The following GPM6A variants were observed in gnomAD, a reference collection of about 807,000 sequenced individuals.
GPM6A encodes the protein neuronal membrane glycoprotein M6-a.
A neutral mutation model predicts 32.1 loss-of-function variants in GPM6A; 7 were observed. That is an observed-to-expected ratio of 0.22 (90% CI 0.12 to 0.41). The LOEUF (loss-of-function observed/expected upper bound fraction) is 0.41, where lower values mean the gene tolerates loss of function less well. Ranked by LOEUF, GPM6A falls within the 10% of genes least tolerant of loss-of-function variation. GPM6A has a pLI of 1.00. For synonymous variants in GPM6A, 130 were observed against 123.4 expected, an observed-to-expected ratio of 1.05 and a Z score of -0.35; for missense variants, 235 against 347.2, an observed-to-expected ratio of 0.68 and a Z score of 2.57.
intron 2 of GPM6A, among the ~76,000 whole-genome samples, chr4:175,697,780 T>C (rs1029712360): frequency 6.6e-6 from 1 of 152,162 alleles, no homozygotes; most frequent in Non-Finnish European, 1.5e-5. Flanking sequence ...TCAAATGTAA[T>C]GGGACAAAAC....
chr4:175,916,165 T>A (rs1446064229), intron 1 of GPM6A, among the ~76,000 whole-genome samples: 4 of 152,238 alleles, frequency 2.6e-5, no homozygotes, highest in Non-Finnish European at 5.9e-5. Flanking sequence ...GGGTTCCCGA[T>A]AGAAACCACA....
rs80251446 is a variant in GPM6A, at chr4:175,746,415, C to T, written c.38-44648G>A. Among the ~76,000 whole-genome samples, 171 of 152,248 alleles carry T rather than the reference C, an allele frequency of 1.1e-3. 1 individual carries two copies. Among genetic ancestry groups the T allele is most frequent in the African/African-American group, 4.0e-3 (166 of 41,560 alleles). On this transcript the variant is annotated intron_variant, in intron 1 of 6. Coordinates refer to ENST00000393658, the MANE Select transcript of GPM6A (RefSeq NM_201591.3). The stretch of plus-strand genomic sequence containing the variant: ...ATACATTAACCTGTATATAAATGTA[C>T]AAAATTATGTTCAATTATTCTGCAC...
intron 1 of GPM6A, among the ~76,000 whole-genome samples, chr4:175,724,550 A>G (rs896859924): frequency 5.3e-5 from 8 of 152,148 alleles, no homozygotes; most frequent in Non-Finnish European, 1.0e-4. Flanking sequence ...ATCTCAAAAA[A>G]AAAATTTTTT....
At chr4:175,891,226 C>G (rs1281483865) in intron 1 of GPM6A, among the ~76,000 whole-genome samples, 1 of 152,188 alleles carries the variant, frequency 6.6e-6, no homozygotes, top group African/African-American at 2.4e-5. Flanking sequence ...ATCCAAACCA[C>G]AAGTATGACC....
intron 1 of GPM6A, among the ~76,000 whole-genome samples, chr4:175,831,567 T>C (rs908265470): frequency 6.6e-6 from 1 of 152,144 alleles, no homozygotes; most frequent in Admixed American, 6.5e-5. Flanking sequence ...AACAAATCCG[T>C]GCTTAATTAG....
intron 1 of GPM6A, among the ~76,000 whole-genome samples, chr4:175,824,189 A>G (rs1342688113): frequency 6.6e-6 from 1 of 152,194 alleles, no homozygotes; most frequent in African/African-American, 2.4e-5. Context: ...TGGCCAGACC[A>G]TGGCTCCAGG....
At chr4:175,789,269 T>C (rs1370710996) in intron 1 of GPM6A, among the ~76,000 whole-genome samples, 2 of 152,200 alleles carry the variant, frequency 1.3e-5, no homozygotes, top group East Asian at 3.8e-4. Context: ...AAATATTTAT[T>C]TTTATAGTTG....
chr4:175,790,765 G>A (rs1733981847), intron 1 of GPM6A, among the ~76,000 whole-genome samples: 1 of 152,150 alleles, frequency 6.6e-6, no homozygotes, highest in Non-Finnish European at 1.5e-5. Flanking sequence ...CAAATGCCAT[G>A]AATTAAAGGA....
intron 1 of GPM6A, among the ~76,000 whole-genome samples, chr4:175,818,618 A>G (rs1203196033): frequency 6.6e-6 from 1 of 152,250 alleles, no homozygotes; most frequent in Non-Finnish European, 1.5e-5. Flanking sequence ...GAATGACTGA[A>G]TAAACGAATA....
Position 175,704,321 on chromosome 4 carries a change from TCACA to T in GPM6A, c.38-2558_38-2555del, listed in dbSNP as rs112980051. Among the ~76,000 whole-genome samples, 56 of 150,250 alleles carry T rather than the reference TCACA, an allele frequency of 3.7e-4. 3 individuals are homozygous for T. The South Asian group carries it at 0.01, about 28-fold the overall frequency. On this transcript the variant is annotated intron_variant, in intron 1 of 6. Coordinates refer to ENST00000393658, the MANE Select transcript of GPM6A (RefSeq NM_201591.3). Reference sequence around the variant, plus strand: ...CCCAACACACATCTCTCTCTTTCTCTCACACACACACACACACGTGCACGTGTGC... The same window carrying T: ...CCCAACACACATCTCTCTCTTTCTCTCACACACACACACGTGCACGTGTGC...
At chr4:176,002,300 C>T (rs1220113363) in intron 1 of GPM6A, 3 of 1,600,298 alleles carry the variant, frequency 1.9e-6, no homozygotes, top group Non-Finnish European at 1.7e-6. Flanking sequence ...CGCCCGCCCG[C>T]GCACTCACCC....
At chr4:175,971,202 T>A (rs1440012318) in intron 1 of GPM6A, among the ~76,000 whole-genome samples, 1 of 151,468 alleles carries the variant, frequency 6.6e-6, no homozygotes, top group African/African-American at 2.4e-5. Context: ...AACTGTAGGC[T>A]GCAAGGTTAA....
At chr4:175,827,526 G>A (rs1167356574) in intron 1 of GPM6A, among the ~76,000 whole-genome samples, 2 of 152,166 alleles carry the variant, frequency 1.3e-5, no homozygotes, top group Non-Finnish European at 2.9e-5. Flanking sequence ...TTAAACCTGC[G>A]CTCTTCATCA....
chr4:175,854,389 G>A (rs1405316411), intron 1 of GPM6A, among the ~76,000 whole-genome samples: 3 of 152,100 alleles, frequency 2.0e-5, no homozygotes, highest in Non-Finnish European at 2.9e-5. Context: ...AAAATCCTAG[G>A]ACTCAAGAGA....
intron 1 of GPM6A, among the ~76,000 whole-genome samples, chr4:175,900,283 A>G (rs912422817): frequency 1.9e-4 from 28 of 150,396 alleles, no homozygotes; most frequent in African/African-American, 6.4e-4. Flanking sequence ...TAAAAAAAAA[A>G]AAAGAGAGAA....
rs564757013 is a variant in GPM6A, at chr4:175,671,712, C to T, written c.387+1968G>A. Among the ~76,000 whole-genome samples the T allele has an allele frequency of 1.4e-4, 21 of 152,228 alleles. No homozygotes were observed. In the East Asian group the frequency reaches 4.1e-3, roughly 30 times the overall value. On this transcript the variant is annotated intron_variant, in intron 3 of 6. Coordinates refer to ENST00000393658, the MANE Select transcript of GPM6A (RefSeq NM_201591.3). ...GTTTACTTCTCAGTCGTGGAGCTAG[C>T]CCCCTTCGTGAAGGCAGTGTTGGGA...
intron 1 of GPM6A, among the ~76,000 whole-genome samples, chr4:175,741,544 T>C (rs1275395411): frequency 6.6e-6 from 1 of 152,108 alleles, no homozygotes; most frequent in Non-Finnish European, 1.5e-5. Flanking sequence ...TCATCTTCCA[T>C]CAGGATCTTC....
intron 1 of GPM6A, among the ~76,000 whole-genome samples, chr4:175,869,794 T>C (rs1384178151): frequency 6.6e-6 from 1 of 151,764 alleles, no homozygotes; most frequent in East Asian, 1.9e-4. Context: ...AAAAAAATAC[T>C]AACAGAGCAC....
At chr4:175,850,490 A>C (rs1736219373) in intron 1 of GPM6A, among the ~76,000 whole-genome samples, 1 of 152,122 alleles carries the variant, frequency 6.6e-6, no homozygotes, top group South Asian at 2.1e-4. Flanking sequence ...GGGTGGGGTG[A>C]GGCAATTTGA....
Sources: allele counts gnomAD v4.1 joint callset (sites outside exome capture counted in the v4.1 genomes callset), GRCh38; gene constraint gnomAD v4.1.1; transcripts MANE v1.5; gene names NCBI Gene and HGNC (gene_info 2026-07-23, HGNC 2026-07-21).